TMEM64: variants seen among roughly 807,000 people sequenced by gnomAD.
TMEM64 encodes transmembrane protein 64.
In TMEM64, 19 loss-of-function variants were observed where a neutral mutation model predicts 24.5. The observed-to-expected ratio is 0.78, with a 90% CI of 0.54 to 1.14. The LOEUF is 1.14. TMEM64 is among the 50% of genes most tolerant of loss of function. The pLI is 0.00. For synonymous variants in TMEM64, 262 were observed against 224.7 expected (o/e 1.17, Z -1.49); for missense variants, 487 against 493.0 (o/e 0.99, Z 0.12).
chr8:90,639,141 G>A (rs925433463), intron 1 of TMEM64, among the ~76,000 whole-genome samples: 2 of 151,572 alleles, frequency 1.3e-5, no homozygotes, highest in Admixed American at 6.6e-5. Context: ...CAAGAAGGCC[G>A]CAGCAGTGCT....
Position 90,625,521 on chromosome 8 carries a change from G to T in TMEM64, c.*150C>A. 2 of 629,342 alleles carry T rather than the reference G, an allele frequency of 3.2e-6. No homozygotes were observed. The highest frequency in any genetic ancestry group is 5.2e-6 in the Non-Finnish European group (2 of 382,754). The allele number at this position is 629,342 out of a possible 1,614,324, so 39.0% of individuals were successfully genotyped here. ...CTTACATACCCAGAAAATGATTCTTGCTTTAAAAAAAAAAAATTGTGCAAT... is the reference window on the plus strand; with the variant it reads ...CTTACATACCCAGAAAATGATTCTTTCTTTAAAAAAAAAAAATTGTGCAAT... On this transcript the variant is annotated 3_prime_UTR_variant, in exon 3 of 3. Transcript: ENST00000458549.
intron 1 of TMEM64, among the ~76,000 whole-genome samples, chr8:90,633,699 T>C (rs1225313707): frequency 6.6e-6 from 1 of 152,232 alleles, no homozygotes; most frequent in East Asian, 1.9e-4. Context: ...AGGTATTAAA[T>C]TTTAATCTTT....
At chr8:90,629,602 A>C (rs553371963) in intron 2 of TMEM64, among the ~76,000 whole-genome samples, 15 of 152,122 alleles carry the variant, frequency 9.9e-5, no homozygotes, top group Non-Finnish European at 2.2e-4. Flanking sequence ...CATAAATGTT[A>C]ATTTATATAC....
chr8:90,634,255 T>G (rs565113164), intron 1 of TMEM64, among the ~76,000 whole-genome samples: 202 of 152,300 alleles, frequency 1.3e-3, no homozygotes, highest in African/African-American at 4.7e-3. Flanking sequence ...TTATGTATAC[T>G]TCAGTAGAAA....
rs139825000 is a variant in TMEM64 at position 90,628,200 on chromosome 8, C to T, written c.952-2338G>A. ...ATTAAAATGAAATCAAAGAATCAAA[C>T]ACAGGCAGAAGGTCAAGCCTCATAC... On this transcript the variant is annotated intron_variant, in intron 2 of 2. Transcript: ENST00000458549. Among the ~76,000 whole-genome samples, 13 of 152,300 alleles carry T rather than the reference C, an allele frequency of 8.5e-5. No homozygotes were observed. The East Asian group carries it at 2.5e-3, about 29-fold the overall frequency.
intron 1 of TMEM64, among the ~76,000 whole-genome samples, chr8:90,634,668 A>C (rs1048727741): frequency 2.6e-5 from 4 of 152,192 alleles, no homozygotes; most frequent in Admixed American, 1.3e-4. Context: ...AAGTTTGGTC[A>C]CTTTATTCAC....
At position 90,626,002 on chromosome 8, in the gene TMEM64, T is replaced by A. The variant is rs542609475; in HGVS notation, c.952-140A>T. The A allele has an allele frequency of 4.3e-4, 272 of 633,658 alleles. 2 individuals carry two copies. The African/African-American group carries it at 4.6e-3, about 11-fold the overall frequency. The allele number at this position is 633,658 out of a possible 1,614,324, so 39.3% of individuals were successfully genotyped here. On this transcript the variant is annotated intron_variant, in intron 2 of 2. Coordinates refer to ENST00000458549, the MANE Select transcript of TMEM64 (RefSeq NM_001008495.4). The stretch of plus-strand genomic sequence containing the variant: ...AGGTAAAGGGTTATACATTTTTAAA[T>A]AGTTTACACACAGTTATTGTTTATT...
At chr8:90,626,615 C>CTTTTTTTTCTTTTTTTT (rs1563952767) in intron 2 of TMEM64, among the ~76,000 whole-genome samples, 1 of 140,312 alleles carries the variant, frequency 7.1e-6, no homozygotes. Flanking sequence ...TCCCTCTGTA[C>CTTTTTTTTCTTTTTTTT]TTTTTTTTTC....
At position 90,634,177 on chromosome 8, in the gene TMEM64, T is replaced by A. The variant is rs993040252; in HGVS notation, c.796-2470A>T. Among the ~76,000 whole-genome samples, 10 of 152,132 alleles carry A rather than the reference T, an allele frequency of 6.6e-5. No individual in the cohort carries two copies. In the East Asian group the frequency reaches 1.9e-3, roughly 29 times the overall value. On this transcript the variant is annotated intron_variant, in intron 1 of 2. Coordinates refer to ENST00000458549, the MANE Select transcript of TMEM64 (RefSeq NM_001008495.4). ...AAAGGTGAGGATATAGCCTGATCCC[T>A]CCCCGTTCCAGTAGCCAATTTTCCC...
chr8:90,643,547 C>G (rs1809639279), intron 1 of TMEM64, among the ~76,000 whole-genome samples: 5 of 152,098 alleles, frequency 3.3e-5, no homozygotes, highest in Admixed American at 3.3e-4. Flanking sequence ...GTTTAAGGAT[C>G]AGAAATATGT....
intron 1 of TMEM64, among the ~76,000 whole-genome samples, chr8:90,636,141 G>A (rs1274542193): frequency 2.0e-5 from 3 of 152,160 alleles, no homozygotes; most frequent in African/African-American, 7.2e-5. Context: ...ATTTTTGCTG[G>A]AGGGCTCAAT....
chr8:90,636,123 T>C (rs936574856), intron 1 of TMEM64, among the ~76,000 whole-genome samples: 5 of 152,212 alleles, frequency 3.3e-5, no homozygotes, highest in African/African-American at 1.2e-4. Flanking sequence ...TAGTTAATAA[T>C]CGTAAATATT....
intron 1 of TMEM64, among the ~76,000 whole-genome samples, chr8:90,637,140 A>G (rs754639405): frequency 7.2e-5 from 11 of 152,292 alleles, no homozygotes; most frequent in Admixed American, 4.6e-4. Flanking sequence ...AGAGGAAAAA[A>G]AACTAATTCT....
rs1474805637 is a variant in TMEM64, at chr8:90,623,469, G to A, written c.*2202C>T. The A allele has an allele frequency of 2.0e-5, 3 of 152,472 alleles. No individual in the cohort carries two copies. Among genetic ancestry groups the A allele is most frequent in the Non-Finnish European group, 4.4e-5 (3 of 67,964 alleles). 9.4% of individuals were successfully genotyped at this position (152,472 alleles called of 1,614,324 possible). ...ACTATAAGGGACTATTGTTTACTTG[G>A]ATGCTGGAAATGCTGAAGAAAAGAA... On this transcript the variant is annotated 3_prime_UTR_variant, in exon 3 of 3. Transcript: ENST00000458549.
intron 1 of TMEM64, among the ~76,000 whole-genome samples, chr8:90,634,371 C>T (rs1563957121): frequency 6.6e-6 from 1 of 152,202 alleles, no homozygotes; most frequent in African/African-American, 2.4e-5. Context: ...AAATCTCGTA[C>T]TGAAACCAAA....
At chr8:90,637,667 C>T (rs1341562067) in intron 1 of TMEM64, among the ~76,000 whole-genome samples, 2 of 152,052 alleles carry the variant, frequency 1.3e-5, no homozygotes, top group East Asian at 3.9e-4. Flanking sequence ...AAGGATTGGT[C>T]AAGAGAAATT....
chr8:90,641,658 T>G (rs1809606113), intron 1 of TMEM64, among the ~76,000 whole-genome samples: 1 of 152,232 alleles, frequency 6.6e-6, no homozygotes, highest in Admixed American at 6.5e-5. Context: ...TTGAGCAAGT[T>G]ATTTCACCAC....
In TMEM64 at chr8:90,645,705, G is replaced by A. The variant is rs942983470; in HGVS notation, c.201C>T (p.Gly67=). 1.3e-4 allele frequency: 167 copies of A among 1,252,634 alleles called. No homozygotes were observed. The African/African-American group carries it at 2.5e-3, about 19-fold the overall frequency. The allele number at this position is 1,252,634 out of a possible 1,614,324, so 77.6% of individuals were successfully genotyped here. ...GCGGACCGTGGCGCTCCAGATAGGC[G>A]CCGAGCAGGGCGCCCGAGGCCGCCG... is the stretch of plus-strand genomic sequence containing the variant. ...AAAAASGALL[G]AYLERHGPPE... Residue 67 remains glycine, a synonymous_variant, in exon 1 of 3, where the codon GGC becomes GGT. Transcript: ENST00000458549. The surrounding 1 kb of genome is among the most constrained non-coding windows in gnomAD (Gnocchi z 4.2).
At position 90,623,526 on chromosome 8, in the gene TMEM64, C is replaced by A. The variant is rs1390473456; in HGVS notation, c.*2145G>T. ...CAGCCACAGATTGGTATTTTAGAAA[C>A]AGTCAATCCATACTATTTTAAGAAA... On this transcript the variant is annotated 3_prime_UTR_variant, in exon 3 of 3. Transcript: ENST00000458549. 6.6e-6 allele frequency: 1 copy of A among 152,426 alleles called. No individual in the cohort carries two copies. The highest frequency in any genetic ancestry group is 2.4e-5 in the African/African-American group (1 of 41,418). The allele number at this position is 152,426 out of a possible 1,614,324, so 9.4% of individuals were successfully genotyped here.
Sources: allele counts gnomAD v4.1 joint callset (sites outside exome capture counted in the v4.1 genomes callset), GRCh38; gene constraint gnomAD v4.1.1; non-coding constraint Gnocchi (gnomAD v3.1); transcripts MANE v1.5; gene names NCBI Gene and HGNC (gene_info 2026-07-23, HGNC 2026-07-21).